Variants in PHLPP1 observed in about 807,000 individuals in gnomAD.
PHLPP1 encodes the protein PH domain leucine-rich repeat-containing protein phosphatase 1.
Under a neutral mutation model 117.2 loss-of-function variants are expected in PHLPP1, and 42 were observed. That is an observed-to-expected ratio of 0.36 (90% CI 0.28 to 0.46). The LOEUF is 0.46. PHLPP1 is among the 20% of genes least tolerant of loss of function. The pLI is 1.00. For missense variants in PHLPP1, 2,084 were observed against 2,241.9 expected, an observed-to-expected ratio of 0.93 and a Z score of 1.42; for synonymous variants, 1,042 against 970.7, an observed-to-expected ratio of 1.07 and a Z score of -1.37.
At chr18:62,737,878 G>C (rs947087506) in intron 1 of PHLPP1, among the ~76,000 whole-genome samples, 1 of 152,136 alleles carries the variant, frequency 6.6e-6, no homozygotes, top group Non-Finnish European at 1.5e-5. Flanking sequence ...ATGTAGAATT[G>C]TTGGGTTTTA....
chr18:62,849,832 A>AAATAT (rs1555677083), intron 3 of PHLPP1, among the ~76,000 whole-genome samples: 14 of 33,102 alleles, frequency 4.2e-4, no homozygotes, highest in East Asian at 3.3e-3. Context: ...AAAAAAAAAA[A>AAATAT]ATATATATAT....
At chr18:62,928,350 T>A (rs1290964645) in intron 10 of PHLPP1, among the ~76,000 whole-genome samples, 1 of 151,952 alleles carries the variant, frequency 6.6e-6, no homozygotes, top group East Asian at 1.9e-4. Context: ...AAAAATATGC[T>A]CACAGGATTT....
At chr18:62,820,480 A>G (rs753652477) in intron 1 of PHLPP1, among the ~76,000 whole-genome samples, 2 of 152,190 alleles carry the variant, frequency 1.3e-5, no homozygotes, top group Non-Finnish European at 2.9e-5. Context: ...TAATACCCAC[A>G]TGTCAAAGGA....
intron 1 of PHLPP1, among the ~76,000 whole-genome samples, chr18:62,769,794 A>G (rs1291113782): frequency 6.6e-6 from 1 of 152,226 alleles, no homozygotes; most frequent in African/African-American, 2.4e-5. Context: ...CTGTTCATCA[A>G]CTGTTATACG....
At chr18:62,748,275 C>T (rs1186760120) in intron 1 of PHLPP1, among the ~76,000 whole-genome samples, 51 of 144,838 alleles carry the variant, frequency 3.5e-4, no homozygotes, top group Non-Finnish European at 4.8e-4. Context: ...ATGAGGGTAT[C>T]GCTCTGTCAT....
At chr18:62,840,332 C>A (rs1252910108) in intron 3 of PHLPP1, among the ~76,000 whole-genome samples, 1 of 152,074 alleles carries the variant, frequency 6.6e-6, no homozygotes, top group Non-Finnish European at 1.5e-5. Context: ...ACCTAATAGA[C>A]AAATGGAGGT....
intron 2 of PHLPP1, among the ~76,000 whole-genome samples, chr18:62,836,304 C>T (rs1041861480): frequency 2.6e-5 from 4 of 151,156 alleles, no homozygotes; most frequent in African/African-American, 7.3e-5. Context: ...CAGTGGCAGG[C>T]GCCTGTAATC....
chr18:62,927,249 G>A (rs1288947639), intron 10 of PHLPP1, among the ~76,000 whole-genome samples: 2 of 152,082 alleles, frequency 1.3e-5, no homozygotes, highest in African/African-American at 4.8e-5. Context: ...AGAAGATATA[G>A]CATCGAACTA....
chr18:62,978,431 C>T lies in PHLPP1; in HGVS notation c.4154C>T (p.Ala1385Val), dbSNP rs1262654101. The T allele has an allele frequency of 1.2e-6, 2 of 1,611,588 alleles. No homozygotes were observed. The highest frequency in any genetic ancestry group is 1.7e-5 in the Admixed American group (1 of 59,640). The stretch of plus-strand genomic sequence containing the variant: ...TGGGACAGCCTGTCCGTCGAGGAGG[C>T]CGTGGAAGCCGTGCGCAACGTGCCC... ...GLWDSLSVEEAVEAVRNVPDA... is the reference protein window; with the variant it reads ...GLWDSLSVEEVVEAVRNVPDA... Residue 1385 changes from alanine (A) to valine (V), a missense_variant, in exon 17 of 17, where the codon GCC becomes GTC. Ala to Val is a moderately conservative substitution (Grantham distance 64). Coordinates refer to ENST00000262719, the MANE Select transcript of PHLPP1 (RefSeq NM_194449.4). The surrounding 1 kb of genome is among the most constrained non-coding windows in gnomAD (Gnocchi z 7.0).
chr18:62,717,199 T>G lies in PHLPP1; in HGVS notation c.1516T>G (p.Trp506Gly). Residue 506 changes from tryptophan (W) to glycine (G), a missense_variant, in exon 1 of 17, where the codon TGG becomes GGG. By Grantham distance (184) the Trp-to-Gly change is radical. Coordinates refer to ENST00000262719, the MANE Select transcript of PHLPP1 (RefSeq NM_194449.4). The part of the protein sequence containing the change: ...YLFQLGFGEL[W>G]RVQEEGMDSE... ...CTTCCAACTGGGATTTGGGGAGCTG[T>G]GGAGGGTGCAGGAGGAAGGCATGGA... The G allele has an allele frequency of 6.2e-7, 1 of 1,612,984 alleles. No individual in the cohort carries two copies. Among genetic ancestry groups the G allele is most frequent in the Non-Finnish European group, 8.5e-7 (1 of 1,179,500 alleles).
At chr18:62,960,332 G>T (rs2042388429) in intron 13 of PHLPP1, among the ~76,000 whole-genome samples, 1 of 151,958 alleles carries the variant, frequency 6.6e-6, no homozygotes, top group Admixed American at 6.6e-5. Context: ...GAAATGAAGG[G>T]AGTAAGTCAC....
intron 8 of PHLPP1, among the ~76,000 whole-genome samples, chr18:62,905,641 T>C (rs1458513357): frequency 6.6e-6 from 1 of 152,178 alleles, no homozygotes; most frequent in Non-Finnish European, 1.5e-5. Context: ...AAAATTTTTT[T>C]TCAAACTCTG....
chr18:62,945,555 C>G (rs1910257625), intron 12 of PHLPP1, among the ~76,000 whole-genome samples: 1 of 152,208 alleles, frequency 6.6e-6, no homozygotes, highest in African/African-American at 2.4e-5. Context: ...CCCTATACTT[C>G]TTTATCTGTT....
chr18:62,898,717 A>G (rs1916637656), intron 6 of PHLPP1, among the ~76,000 whole-genome samples: 1 of 152,198 alleles, frequency 6.6e-6, no homozygotes, highest in African/African-American at 2.4e-5. Flanking sequence ...ATGATTTGAC[A>G]TTGCCACAAT....
At chr18:62,902,550 A>G (rs2144406722) in intron 6 of PHLPP1, among the ~76,000 whole-genome samples, 1 of 152,278 alleles carries the variant, frequency 6.6e-6, no homozygotes, top group East Asian at 1.9e-4. Context: ...TGTAGTTGTG[A>G]TGTGCCTAAC....
chr18:62,944,818 C>T (rs1197405567), intron 11 of PHLPP1, among the ~76,000 whole-genome samples: 1 of 152,168 alleles, frequency 6.6e-6, no homozygotes, highest in East Asian at 1.9e-4. Flanking sequence ...CCAAGCTATA[C>T]AGTAACATGA....
At chr18:62,873,554 G>T (rs1179281667) in intron 4 of PHLPP1, among the ~76,000 whole-genome samples, 1 of 152,154 alleles carries the variant, frequency 6.6e-6, no homozygotes, top group African/African-American at 2.4e-5. Context: ...GATCTTTCTG[G>T]CTTTTGCTGT....
At chr18:62,736,312 T>G (rs1911367061) in intron 1 of PHLPP1, among the ~76,000 whole-genome samples, 1 of 152,164 alleles carries the variant, frequency 6.6e-6, no homozygotes, top group Non-Finnish European at 1.5e-5. Context: ...AGGAGTTTCA[T>G]CTGCATGGTG....
At chr18:62,790,778 A>T (rs1913432904) in intron 1 of PHLPP1, among the ~76,000 whole-genome samples, 1 of 152,032 alleles carries the variant, frequency 6.6e-6, no homozygotes, top group Non-Finnish European at 1.5e-5. Context: ...GTTGAGTGGG[A>T]GTTAAGGTCA....
Sources: allele counts gnomAD v4.1 joint callset (sites outside exome capture counted in the v4.1 genomes callset), GRCh38; gene constraint gnomAD v4.1.1; non-coding constraint Gnocchi (gnomAD v3.1); transcripts MANE v1.5; gene names NCBI Gene and HGNC (gene_info 2026-07-23, HGNC 2026-07-21).